The following PKNOX2 variants were observed in gnomAD, a reference collection of about 807,000 sequenced individuals.
PKNOX2 encodes the protein PBX/knotted 1 homeobox 2.
PKNOX2 carries 14 observed loss-of-function variants against 53.1 expected under a neutral mutation model. The ratio of observed to expected loss-of-function variants is 0.26; its 90% confidence interval spans 0.17 to 0.41. The LOEUF (loss-of-function observed/expected upper bound fraction) is 0.41. Among genes scored for constraint, PKNOX2 ranks in the 10% least tolerant of loss-of-function variants. PKNOX2 has a pLI of 1.00. For missense variants in PKNOX2, 496 were observed against 602.8 expected (o/e 0.82, Z 1.85); for synonymous variants, 257 against 242.8 (o/e 1.06, Z -0.54).
chr11:125,224,392 C>G (rs1016193872), intron 1 of PKNOX2, among the ~76,000 whole-genome samples: 1 of 152,232 alleles, frequency 6.6e-6, no homozygotes, highest in Non-Finnish European at 1.5e-5. Context: ...TCTGCTGGAG[C>G]CCCTCGGAGG....
chr11:125,208,387 T>C lies in PKNOX2; in HGVS notation c.-200-26658T>C, dbSNP rs771178501. 2.0e-5 allele frequency among the ~76,000 whole-genome samples: 3 copies of C among 152,088 alleles called. 1 individual carries two copies. Among genetic ancestry groups the C allele is most frequent in the Non-Finnish European group, 4.4e-5 (3 of 67,990 alleles). Reference sequence around the variant, plus strand: ...ATGCCAGCTGAGGGAATTTGCACTTTTCTATAGCCCACAAGGAGCCATTGC... The same window carrying C: ...ATGCCAGCTGAGGGAATTTGCACTTCTCTATAGCCCACAAGGAGCCATTGC... On this transcript the variant is annotated intron_variant, in intron 1 of 12. Transcript: ENST00000298282.
intron 1 of PKNOX2, among the ~76,000 whole-genome samples, chr11:125,185,947 A>G (rs1051873686): frequency 1.3e-5 from 2 of 152,174 alleles, no homozygotes; most frequent in Non-Finnish European, 2.9e-5. Context: ...TTGAGGAACC[A>G]CCAAACTGTT....
intron 1 of PKNOX2, among the ~76,000 whole-genome samples, chr11:125,194,610 C>G (rs761198249): frequency 1.3e-5 from 2 of 152,122 alleles, no homozygotes; most frequent in East Asian, 1.9e-4. Context: ...TTTTGGTGAG[C>G]CCCTCACTGC....
At chr11:125,364,407 C>T (rs563017535) in intron 4 of PKNOX2, among the ~76,000 whole-genome samples, 6 of 152,294 alleles carry the variant, frequency 3.9e-5, no homozygotes, top group South Asian at 2.1e-4. Context: ...TGGCAAGTGA[C>T]CATTTTTGAT....
chr11:125,169,190 G>A (rs1955103697), intron 1 of PKNOX2, among the ~76,000 whole-genome samples: 1 of 152,202 alleles, frequency 6.6e-6, no homozygotes, highest in Non-Finnish European at 1.5e-5. Flanking sequence ...TGAAAACGAT[G>A]CTGCAGAGGA....
chr11:125,272,835 G>A (rs934462487), intron 2 of PKNOX2, among the ~76,000 whole-genome samples: 3 of 152,190 alleles, frequency 2.0e-5, no homozygotes, highest in African/African-American at 7.2e-5. Flanking sequence ...TTTTCCAGAA[G>A]CGAGAGAATT....
At chr11:125,325,318 G>T (rs1565497406) in intron 2 of PKNOX2, among the ~76,000 whole-genome samples, 1 of 152,196 alleles carries the variant, frequency 6.6e-6, no homozygotes, top group Non-Finnish European at 1.5e-5. Context: ...GGAATACAGA[G>T]TCCCTGCTCT....
intron 1 of PKNOX2, among the ~76,000 whole-genome samples, chr11:125,222,597 GTGTGTGTCTGTGTGTA>G (rs778233639): frequency 0.012 from 1,744 of 142,700 alleles, 51 homozygotes; most frequent in Admixed American, 0.062. Context: ...GTGTGTGTGT[GTGTGTGTCTGTGTGTA>G]TGTGTGTGTA....
rs537410167 is a variant in PKNOX2, at chr11:125,263,979, TG to T, written c.-130+28867del. Among the ~76,000 whole-genome samples, 10 of 152,260 alleles carry T rather than the reference TG, an allele frequency of 6.6e-5. No individual in the cohort carries two copies. The South Asian group carries it at 2.1e-3, about 32-fold the overall frequency. ...CTTCCATCCAGCTCTTGCAGGACCA[TG>T]GGAATCCCAGTGACCTCAGGGGATG... On this transcript the variant is annotated intron_variant, in intron 2 of 12. Transcript: ENST00000298282.
chr11:125,186,886 G>A (rs1956475794), intron 1 of PKNOX2, among the ~76,000 whole-genome samples: 1 of 152,106 alleles, frequency 6.6e-6, no homozygotes, highest in Admixed American at 6.5e-5. Context: ...AGTTATTTTT[G>A]CATGGGGTGT....
intron 2 of PKNOX2, among the ~76,000 whole-genome samples, chr11:125,323,100 T>C (rs1949621907): frequency 6.6e-6 from 1 of 152,014 alleles, no homozygotes; most frequent in Admixed American, 6.6e-5. Context: ...AGCAGTGACG[T>C]GCTGATGCAG....
rs34332033 is a variant in PKNOX2 at position 125,240,270 on chromosome 11, C to A, written c.-130+5155C>A. ...TGAACGCATCTGGGAGCTGCCAAGG[C>A]GACTCTCTCAATTAATGGCTTTGTT... On this transcript the variant is annotated intron_variant, in intron 2 of 12. Transcript: ENST00000298282. The surrounding 1 kb of genome is among the most constrained non-coding windows in gnomAD (Gnocchi z 4.3). 1 of 152,054 alleles carries A rather than the reference C, an allele frequency of 6.6e-6. No individual in the cohort carries two copies. Among genetic ancestry groups the A allele is most frequent in the Non-Finnish European group, 1.5e-5 (1 of 67,998 alleles). The allele number at this position is 152,054 out of a possible 1,614,324, so 9.4% of individuals were successfully genotyped here.
At chr11:125,279,622 G>A (rs964111213) in intron 2 of PKNOX2, among the ~76,000 whole-genome samples, 2 of 152,134 alleles carry the variant, frequency 1.3e-5, no homozygotes, top group African/African-American at 4.8e-5. Flanking sequence ...TCTTCCTATA[G>A]AGCACCTCAG....
At chr11:125,271,737 C>CA in intron 2 of PKNOX2, among the ~76,000 whole-genome samples, 1 of 152,076 alleles carries the variant, frequency 6.6e-6, no homozygotes, top group South Asian at 2.1e-4. Flanking sequence ...AAAAATCCCC[C>CA]AGGGTCCATA....
chr11:125,342,529 C>T (rs1200161856), intron 3 of PKNOX2, among the ~76,000 whole-genome samples: 5 of 152,192 alleles, frequency 3.3e-5, no homozygotes, highest in Non-Finnish European at 7.3e-5. Flanking sequence ...GGTGGCTCTG[C>T]GCTTTTCCAC....
intron 5 of PKNOX2, among the ~76,000 whole-genome samples, chr11:125,379,298 G>C (rs1420635769): frequency 6.6e-6 from 1 of 151,970 alleles, no homozygotes; most frequent in Non-Finnish European, 1.5e-5. Flanking sequence ...CTGACCTAAG[G>C]TAATCCACCC....
At chr11:125,396,539 CACTTCTG>C (rs2135449175) in intron 6 of PKNOX2, among the ~76,000 whole-genome samples, 1 of 148,546 alleles carries the variant, frequency 6.7e-6, no homozygotes, top group African/African-American at 2.5e-5. Context: ...TTTTTCCTGT[CACTTCTG>C]GGAATTCATC....
At chr11:125,341,155 G>C (rs928217745) in intron 3 of PKNOX2, among the ~76,000 whole-genome samples, 1 of 151,036 alleles carries the variant, frequency 6.6e-6, no homozygotes, top group South Asian at 2.1e-4. Flanking sequence ...TCAAGAGACC[G>C]AGACCAGCCT....
In PKNOX2 at chr11:125,431,330, G is replaced by A. The variant is rs772001614; in HGVS notation, c.1357G>A (p.Asp453Asn). The change falls in exon 13 of 13, where the codon GAC becomes AAC. Residue 453 changes from aspartate (D) to asparagine (N), a missense_variant. Asp to Asn is a conservative substitution (Grantham distance 23, BLOSUM62 1). Coordinates refer to ENST00000298282, the MANE Select transcript of PKNOX2 (RefSeq NM_001382323.2). ...GGAGGAGGAGCTGGAGGAGGAGGTC[G>A]ACGAGCTGCAGACGACAAATGTCAG... ...EEEEELEEEV[D>N]ELQTTNVSDL... is the part of the protein sequence containing the mutation. 74 of 1,613,598 alleles carry A rather than the reference G, an allele frequency of 4.6e-5. 1 individual carries two copies. Among genetic ancestry groups the A allele is most frequent in the Middle Eastern group, 1.6e-4 (1 of 6,084 alleles).
Sources: allele counts gnomAD v4.1 joint callset (sites outside exome capture counted in the v4.1 genomes callset), GRCh38; gene constraint gnomAD v4.1.1; non-coding constraint Gnocchi (gnomAD v3.1); transcripts MANE v1.5; gene names NCBI Gene and HGNC (gene_info 2026-07-23, HGNC 2026-07-21).